FGF14: variants seen among roughly 807,000 people sequenced by gnomAD.
FGF14 encodes fibroblast growth factor 14.
FGF14 carries 5 observed loss-of-function variants against 25.5 expected under a neutral mutation model. That is an observed-to-expected ratio of 0.20 (90% CI 0.10 to 0.41). The LOEUF is 0.41. Among genes scored for constraint, FGF14 ranks in the 10% least tolerant of loss-of-function variants. The pLI is 1.00. For missense variants in FGF14, 222 were observed against 320.1 expected (o/e 0.69, Z 2.34); for synonymous variants, 138 against 118.3 (o/e 1.17, Z -1.08).
At chr13:102,033,319 A>G (rs1315521046) in intron 1 of FGF14, among the ~76,000 whole-genome samples, 1 of 152,170 alleles carries the variant, frequency 6.6e-6, no homozygotes, top group African/African-American at 2.4e-5. Flanking sequence ...CAAATAAAAT[A>G]CAGTAGTTCT....
intron 1 of FGF14, among the ~76,000 whole-genome samples, chr13:102,329,918 G>A (rs1043694624): frequency 2.0e-5 from 3 of 151,952 alleles, no homozygotes; most frequent in Non-Finnish European, 4.4e-5. Context: ...GCAAAACTCT[G>A]ATCACATTTA....
At chr13:102,301,825 T>C (rs1469190659) in intron 1 of FGF14, among the ~76,000 whole-genome samples, 1 of 57,738 alleles carries the variant, frequency 1.7e-5, no homozygotes, top group Non-Finnish European at 3.1e-5. Context: ...CTTCCTGTAC[T>C]TCACACACAC....
intron 1 of FGF14, among the ~76,000 whole-genome samples, chr13:102,031,484 A>T (rs895076305): frequency 6.6e-6 from 1 of 152,204 alleles, no homozygotes; most frequent in Non-Finnish European, 1.5e-5. Context: ...TTTTTTCACT[A>T]AAAGTTCTTC....
chr13:101,865,539 A>G (rs1222729833), intron 3 of FGF14, among the ~76,000 whole-genome samples: 2 of 152,106 alleles, frequency 1.3e-5, no homozygotes, highest in East Asian at 3.9e-4. Flanking sequence ...AACTATCATC[A>G]TATTGAAGAA....
rs549827532 is a variant in FGF14 at position 102,215,828 on chromosome 13, T to C, written c.208+185643A>G. Among the ~76,000 whole-genome samples, 11 of 152,366 alleles carry C rather than the reference T, an allele frequency of 7.2e-5. No homozygotes were observed. The South Asian group carries it at 1.7e-3, about 23-fold the overall frequency. ...GAAAAAGGGAATAGGGACGACGCTA[T>C]GTACATTATTTTAGGCACACGTTTC... On this transcript the variant is annotated intron_variant, in intron 1 of 4. Transcript: ENST00000376131.
At chr13:101,831,838 G>A (rs2042685219) in intron 3 of FGF14, among the ~76,000 whole-genome samples, 1 of 151,996 alleles carries the variant, frequency 6.6e-6, no homozygotes, top group South Asian at 2.1e-4. Context: ...TAAAATCTAA[G>A]GTTGCAGAGA....
At chr13:101,793,331 TTGTC>T (rs1380439749) in intron 3 of FGF14, among the ~76,000 whole-genome samples, 1 of 152,154 alleles carries the variant, frequency 6.6e-6, no homozygotes, top group African/African-American at 2.4e-5. Context: ...TGTGTGGTAT[TTGTC>T]TGTGTTTGGC....
At chr13:102,046,419 CAT>C (rs988467629) in intron 1 of FGF14, among the ~76,000 whole-genome samples, 6 of 152,060 alleles carry the variant, frequency 3.9e-5, no homozygotes, top group African/African-American at 1.4e-4. Context: ...AAAGCTCTCA[CAT>C]GTTATTACTA....
intron 1 of FGF14, among the ~76,000 whole-genome samples, chr13:102,375,420 T>C (rs560461166): frequency 6.6e-6 from 1 of 152,264 alleles, no homozygotes; most frequent in South Asian, 2.1e-4. Context: ...ACTGAAAGCA[T>C]AAGACTTTGT....
In FGF14 at chr13:102,236,232, C is replaced by T. The variant is rs1433491367; in HGVS notation, c.208+165239G>A. Among the ~76,000 whole-genome samples the T allele has an allele frequency of 3.9e-5, 6 of 152,250 alleles. No homozygotes were observed. The East Asian group carries it at 1.2e-3, about 29-fold the overall frequency. On this transcript the variant is annotated intron_variant, in intron 1 of 4. Transcript: ENST00000376131. ...TCTTTCACTTTACTTTGTGGACTTG[C>T]CCGAATTATTCGTTGCACAAGATCT...
In FGF14 at chr13:102,197,750, T is replaced by C. The variant is rs531963450; in HGVS notation, c.208+203721A>G. Among the ~76,000 whole-genome samples, 101 of 152,130 alleles carry C rather than the reference T, an allele frequency of 6.6e-4. No individual in the cohort carries two copies. In the Middle Eastern group the frequency reaches 0.01, roughly 15 times the overall value. On this transcript the variant is annotated intron_variant, in intron 1 of 4. Transcript: ENST00000376131. ...ATACATATGCTATATAAACAAAATA[T>C]ATTATGATAAAAGTGTTTTGAAACA... is the stretch of plus-strand genomic sequence containing the variant.
intron 3 of FGF14, among the ~76,000 whole-genome samples, chr13:101,827,409 A>G (rs76947053): frequency 0.056 from 8,555 of 152,044 alleles, 771 homozygotes; most frequent in African/African-American, 0.19. Context: ...GTTGTTTGGT[A>G]TTCCAAAATA....
At position 102,399,537 on chromosome 13, in the gene FGF14, T is replaced by C. The variant is rs114042860; in HGVS notation, c.208+1934A>G. Among the ~76,000 whole-genome samples the C allele has an allele frequency of 6.6e-3, 1,012 of 152,326 alleles. 11 individuals are homozygous for C. The highest frequency in any genetic ancestry group is 0.023 in the African/African-American group (946 of 41,556). On this transcript the variant is annotated intron_variant, in intron 1 of 4. Coordinates refer to the FGF14 transcript ENST00000376131. ...AGGGTCTTCATATTAGGCTGTGAGA[T>C]AGTGTTGCAGATGTAAGTTGGTTTT...
intron 4 of FGF14, among the ~76,000 whole-genome samples, chr13:101,724,363 G>GT (rs1339724607): frequency 2.0e-5 from 3 of 149,464 alleles, no homozygotes; most frequent in African/African-American, 7.4e-5. Context: ...AACACCACAT[G>GT]TTCTCACTCA....
intron 1 of FGF14, among the ~76,000 whole-genome samples, chr13:102,069,165 T>G (rs946059139): frequency 6.6e-5 from 10 of 151,888 alleles, no homozygotes; most frequent in African/African-American, 2.4e-4. Context: ...CAGCACCCTG[T>G]GTTTAGCTCA....
Position 102,161,629 on chromosome 13 carries a change from AAGAAGAAGAAGAAGAAG to A in FGF14, c.208+239825_208+239841del. 2.5e-3 allele frequency among the ~76,000 whole-genome samples: 22 copies of A among 8,712 alleles called. 2 individuals carry two copies. The highest frequency in any genetic ancestry group is 9.9e-3 in the South Asian group (2 of 202). 5.7% of individuals were successfully genotyped at this position (8,712 alleles called of 152,430 possible). A position where few individuals can be genotyped will look rare whatever the true frequency, so the allele number is the denominator to read the frequency against. On this transcript the variant is annotated intron_variant, in intron 1 of 4. Coordinates refer to the FGF14 transcript ENST00000376131. ...GAAGAAGAAGAAGAAGAAGAAGAAG[AAGAAGAAGAAGAAGAAG>A]AAGAAGAAGAAGAAGAAGAAGAAGA...
At chr13:102,197,949 G>A (rs773993816) in intron 1 of FGF14, among the ~76,000 whole-genome samples, 20 of 152,216 alleles carry the variant, frequency 1.3e-4, no homozygotes, top group Non-Finnish European at 1.6e-4. Flanking sequence ...GAAACATGCT[G>A]TCTGAGTAGA....
At chr13:102,364,124 A>G (rs1225341572) in intron 1 of FGF14, among the ~76,000 whole-genome samples, 3 of 152,260 alleles carry the variant, frequency 2.0e-5, no homozygotes, top group Non-Finnish European at 4.4e-5. Context: ...AGATGCCGTA[A>G]GTGCCACTGG....
At position 102,296,655 on chromosome 13, in the gene FGF14, C is replaced by T. The variant is rs1172990129; in HGVS notation, c.208+104816G>A. Among the ~76,000 whole-genome samples the T allele has an allele frequency of 3.9e-5, 6 of 152,246 alleles. No homozygotes were observed. In the East Asian group the frequency reaches 5.8e-4, roughly 15 times the overall value. On this transcript the variant is annotated intron_variant, in intron 1 of 4. Coordinates refer to the FGF14 transcript ENST00000376131. ...ACACAACTATAGAAGCACAATTGTGCATCCATAGTTCTCCATTTCTCCTTC... is the reference window on the plus strand; with the variant it reads ...ACACAACTATAGAAGCACAATTGTGTATCCATAGTTCTCCATTTCTCCTTC...
Sources: gnomAD v4.1 joint callset for allele counts (sites outside exome capture counted in the v4.1 genomes callset) on GRCh38, gnomAD v4.1.1 for gene constraint, MANE v1.5 for transcripts, NCBI Gene and HGNC (gene_info 2026-07-23, HGNC 2026-07-21) for gene names.